MAST2: variants seen among roughly 807,000 people sequenced by gnomAD.
MAST2 encodes the protein microtubule-associated serine/threonine-protein kinase 2.
In MAST2, 70 loss-of-function variants were observed where a neutral mutation model predicts 147.4. The ratio of observed to expected loss-of-function variants is 0.47; its 90% CI spans 0.39 to 0.58. The LOEUF (loss-of-function observed/expected upper bound fraction) is 0.58. Among genes scored for constraint, MAST2 ranks in the 20% least tolerant of loss-of-function variants. The probability of loss-of-function intolerance (pLI) is 0.00; values close to 1 mark genes in which losing one functional copy is unlikely to be tolerated. For missense variants in MAST2, 2,080 were observed against 2,302.3 expected (o/e 0.90, Z 1.98); for synonymous variants, 869 against 896.8 (o/e 0.97, Z 0.55).
chr1:45,816,898 C>T (rs568756662), intron 1 of MAST2, among the ~76,000 whole-genome samples: 3 of 152,190 alleles, frequency 2.0e-5, no homozygotes, highest in East Asian at 1.9e-4. Context: ...AGGATGGTCT[C>T]GATCTCCTGA....
chr1:46,024,935 G>A (rs1646340378), intron 15 of MAST2, among the ~76,000 whole-genome samples: 1 of 152,200 alleles, frequency 6.6e-6, no homozygotes, highest in Non-Finnish European at 1.5e-5. Context: ...TGTGGCTGGG[G>A]AGGCCTCACA....
At chr1:45,925,699 A>G (rs1201251464) in intron 4 of MAST2, among the ~76,000 whole-genome samples, 1 of 152,206 alleles carries the variant, frequency 6.6e-6, no homozygotes, top group African/African-American at 2.4e-5. Context: ...GCAGCAGGAA[A>G]TCCTTACTAG....
intron 5 of MAST2, among the ~76,000 whole-genome samples, chr1:45,978,550 C>CA (rs1212910376): frequency 6.6e-6 from 1 of 152,006 alleles, no homozygotes; most frequent in East Asian, 1.9e-4. Context: ...AATAAAATCA[C>CA]AAAAAGATAT....
chr1:45,871,004 A>G (rs918747567), intron 3 of MAST2, among the ~76,000 whole-genome samples: 1 of 150,868 alleles, frequency 6.6e-6, no homozygotes, highest in African/African-American at 2.4e-5. Flanking sequence ...GAAACCAACT[A>G]TCCCTTTATT....
At chr1:45,843,134 T>G (rs1357549360) in intron 3 of MAST2, among the ~76,000 whole-genome samples, 3 of 152,030 alleles carry the variant, frequency 2.0e-5, no homozygotes, top group Non-Finnish European at 4.4e-5. Context: ...TTTTTTTAAT[T>G]GAATTTTTTT....
rs367957621 is a variant in MAST2 at position 46,034,624 on chromosome 1, C to T, written c.3955C>T (p.Leu1319Phe). Residue 1319 changes from leucine (L) to phenylalanine (F), a missense_variant, in exon 29 of 29, where the codon CTC becomes TTC. Physicochemically the swap from Leu to Phe is conservative, Grantham distance 22. Around this residue, in one of 4 missense-constraint regions of MAST2, gnomAD observed 1,278 missense variants for 1,304.2 expected, o/e 0.98. Coordinates refer to ENST00000361297, the MANE Select transcript of MAST2 (RefSeq NM_015112.3). ...CTCTGGGCACACACGGCCCAGCTCC[C>T]TCCACGGTCTGGCACCCAAGCTCCA... The part of the protein sequence containing the change: ...AGSGHTRPSS[L>F]HGLAPKLQRQ... 3.1e-6 allele frequency: 5 copies of T among 1,614,152 alleles called. No homozygotes were observed. Among genetic ancestry groups the T allele is most frequent in the Non-Finnish European group, 4.2e-6 (5 of 1,180,026 alleles).
intron 5 of MAST2, among the ~76,000 whole-genome samples, chr1:45,961,446 A>G (rs1272399761): frequency 6.6e-6 from 1 of 152,206 alleles, no homozygotes; most frequent in Non-Finnish European, 1.5e-5. Context: ...TTATCTCTCT[A>G]TTTAGATTCT....
intron 5 of MAST2, among the ~76,000 whole-genome samples, chr1:45,968,132 C>CA (rs1643688872): frequency 2.6e-5 from 4 of 152,146 alleles, no homozygotes; most frequent in Admixed American, 2.6e-4. Context: ...GCAAATATTT[C>CA]AAAATCAGAA....
chr1:45,911,569 G>A (rs1159246950), intron 4 of MAST2, among the ~76,000 whole-genome samples: 1 of 152,058 alleles, frequency 6.6e-6, no homozygotes, highest in African/African-American at 2.4e-5. Context: ...TTACCAACTT[G>A]GCTGAAGACA....
Position 45,987,777 on chromosome 1 carries a change from A to ATTTTTTTTTTTTTTTTTTTTT in MAST2, c.593-9943_593-9923dup. 3.4e-3 allele frequency among the ~76,000 whole-genome samples: 74 copies of ATTTTTTTTTTTTTTTTTTTTT among 21,828 alleles called. 6 individuals are homozygous for ATTTTTTTTTTTTTTTTTTTTT. The highest frequency in any genetic ancestry group is 3.8e-3 in the Non-Finnish European group (51 of 13,304). The allele number at this position is 21,828 out of a possible 152,430, so 14.3% of individuals were successfully genotyped here. A position where few individuals can be genotyped will look rare whatever the true frequency, so the allele number is the denominator to read the frequency against. On this transcript the variant is annotated intron_variant, in intron 5 of 28. Transcript: ENST00000361297. ...AGCATTTCTTGTTTTTTTTTTTTTG[A>ATTTTTTTTTTTTTTTTTTTTT]TTTTTTTTTTTTTTTTTTTTTTTTG...
intron 6 of MAST2, among the ~76,000 whole-genome samples, chr1:46,000,791 T>G (rs1571151082): frequency 6.6e-6 from 1 of 152,304 alleles, no homozygotes; most frequent in East Asian, 1.9e-4. Flanking sequence ...AAAGACAGAT[T>G]GAATTGAACA....
At chr1:45,901,829 A>T (rs1649816568) in intron 4 of MAST2, among the ~76,000 whole-genome samples, 1 of 152,212 alleles carries the variant, frequency 6.6e-6, no homozygotes, top group Non-Finnish European at 1.5e-5. Flanking sequence ...CATTAATTTT[A>T]TATCCTGAAA....
Position 46,031,831 on chromosome 1 carries a change from C to G in MAST2, c.3187+246C>G, listed in dbSNP as rs956922090. ...ACTCAAATCCTGGCTCCATCACTAA[C>G]AGGCTCTTGACCTTGAGCAAGTTGC... On this transcript the variant is annotated intron_variant, in intron 24 of 28. Transcript: ENST00000361297. This position sits in a 1 kb window ranked among gnomAD's most constrained non-coding sequence, Gnocchi z 4.1. 2.6e-5 allele frequency among the ~76,000 whole-genome samples: 4 copies of G among 152,200 alleles called. No homozygotes were observed. The highest frequency in any genetic ancestry group is 5.9e-5 in the Non-Finnish European group (4 of 68,020).
intron 4 of MAST2, among the ~76,000 whole-genome samples, chr1:45,893,784 G>A (rs1371705150): frequency 6.6e-6 from 1 of 151,878 alleles, no homozygotes; most frequent in Non-Finnish European, 1.5e-5. Flanking sequence ...TTTAACCTAG[G>A]GAACACTGAA....
At chr1:45,814,576 C>T (rs1045895573) in intron 1 of MAST2, among the ~76,000 whole-genome samples, 12 of 152,088 alleles carry the variant, frequency 7.9e-5, no homozygotes, top group Non-Finnish European at 1.5e-5. Flanking sequence ...CACCTGAGGT[C>T]AGGAGTTTGA....
intron 1 of MAST2, among the ~76,000 whole-genome samples, chr1:45,820,893 CTTT>C (rs769508054): frequency 2.3e-5 from 1 of 43,078 alleles, no homozygotes; most frequent in African/African-American, 9.8e-5. Context: ...CTTTCTTTCT[CTTT>C]TTTTTTTTTT....
intron 5 of MAST2, among the ~76,000 whole-genome samples, chr1:45,985,623 C>T (rs1052599830): frequency 6.6e-6 from 1 of 152,094 alleles, no homozygotes; most frequent in Non-Finnish European, 1.5e-5. Flanking sequence ...TTTGTATTTC[C>T]ATATGAATTT....
chr1:45,829,729 T>C, intron 3 of MAST2, 148 bp downstream of exon 3: 1 of 902,330 alleles, frequency 1.1e-6, no homozygotes, highest in South Asian at 1.9e-5. Flanking sequence ...TATTATTATT[T>C]TTTTTAGAGA....
At chr1:45,925,370 T>C (rs975212595) in intron 4 of MAST2, among the ~76,000 whole-genome samples, 4 of 152,240 alleles carry the variant, frequency 2.6e-5, no homozygotes, top group African/African-American at 9.6e-5. Flanking sequence ...ATAAATTTCA[T>C]TGTGATTTGG....
Sources: gnomAD v4.1 joint callset for allele counts (sites outside exome capture counted in the v4.1 genomes callset) on GRCh38, gnomAD v4.1.1 for gene constraint, gnomAD v4.1.1 regional missense constraint, Gnocchi (gnomAD v3.1) non-coding constraint, MANE v1.5 for transcripts, NCBI Gene and HGNC (gene_info 2026-07-23, HGNC 2026-07-21) for gene names.